SUMF1: variants seen among roughly 807,000 people sequenced by gnomAD.
The protein encoded by SUMF1 is sulfatase modifying factor 1.
SUMF1 carries 48 observed loss-of-function variants against 47.6 expected under a neutral mutation model. That is an observed-to-expected ratio of 1.01 (90% CI 0.80 to 1.28). The LOEUF is 1.28. Ranked by LOEUF, SUMF1 falls within the 50% of genes most tolerant of loss-of-function variation. SUMF1 has a pLI of 0.00. For synonymous variants in SUMF1, 230 were observed against 192.1 expected (o/e 1.20, Z -1.63); for missense variants, 571 against 485.4 (o/e 1.18, Z -1.66).
chr3:4,411,003 C>T (rs182146515), intron 6 of SUMF1, 25 bp from the exon 7 acceptor site: 111 of 1,579,106 alleles, frequency 7.0e-5, no homozygotes, highest in Middle Eastern at 3.3e-4. Context: ...AGGAAAAATG[C>T]TGTCAAACTA....
intron 8 of SUMF1, among the ~76,000 whole-genome samples, chr3:4,122,295 A>T (rs370809748): frequency 6.6e-6 from 1 of 152,208 alleles, no homozygotes; most frequent in Non-Finnish European, 1.5e-5. Flanking sequence ...GAAGCCATAT[A>T]CAAAGGTCAC....
At chr3:4,457,056 GTGTA>G (rs1398338940) in intron 1 of SUMF1, among the ~76,000 whole-genome samples, 12 of 99,510 alleles carry the variant, frequency 1.2e-4, no homozygotes, top group Non-Finnish European at 2.3e-4. Flanking sequence ...ATATACGTGT[GTGTA>G]TATATATATA....
chr3:4,124,149 C>T (rs1158233395), intron 8 of SUMF1, among the ~76,000 whole-genome samples: 2 of 152,098 alleles, frequency 1.3e-5, no homozygotes, highest in African/African-American at 4.8e-5. Flanking sequence ...ATAAAAATCT[C>T]ATTTATAAGC....
At chr3:4,043,117 G>C (rs1694940378) in intron 9 of SUMF1, among the ~76,000 whole-genome samples, 1 of 152,048 alleles carries the variant, frequency 6.6e-6, no homozygotes, top group Admixed American at 6.5e-5. Context: ...ACAATGACTG[G>C]ATCCCTCTAC....
intron 3 of SUMF1, among the ~76,000 whole-genome samples, chr3:4,426,600 G>A (rs182102061): frequency 6.6e-6 from 1 of 152,246 alleles, no homozygotes; most frequent in East Asian, 1.9e-4. Context: ...CATATATTAG[G>A]CATTTCATCA....
At chr3:4,068,358 C>A (rs1574854569) in intron 9 of SUMF1, among the ~76,000 whole-genome samples, 1 of 152,134 alleles carries the variant, frequency 6.6e-6, no homozygotes, top group East Asian at 1.9e-4. Flanking sequence ...TAATGTGAGC[C>A]ACATTATCAA....
chr3:4,320,004 G>A (rs1359478761), intron 8 of SUMF1, among the ~76,000 whole-genome samples: 1 of 152,142 alleles, frequency 6.6e-6, no homozygotes, highest in Non-Finnish European at 1.5e-5. Flanking sequence ...AGGAGAGGGA[G>A]GAATGAATAG....
At chr3:4,435,458 G>A (rs1010477858) in intron 3 of SUMF1, among the ~76,000 whole-genome samples, 2 of 152,086 alleles carry the variant, frequency 1.3e-5, no homozygotes, top group Non-Finnish European at 2.9e-5. Context: ...CCCAAAAAGA[G>A]AGGAGAGATT....
At chr3:4,140,436 TCTA>T (rs1415497479) in intron 8 of SUMF1, among the ~76,000 whole-genome samples, 2 of 152,080 alleles carry the variant, frequency 1.3e-5, no homozygotes, top group Non-Finnish European at 2.9e-5. Context: ...CACCTAGAAC[TCTA>T]CTATTTGTCT....
chr3:4,203,407 G>A (rs1013808694), intron 8 of SUMF1, among the ~76,000 whole-genome samples: 1 of 151,722 alleles, frequency 6.6e-6, no homozygotes, highest in Admixed American at 6.6e-5. Context: ...AGCTACTCCT[G>A]CTCTTTCTTG....
intron 8 of SUMF1, among the ~76,000 whole-genome samples, chr3:4,257,105 G>A (rs1293975543): frequency 5.1e-5 from 5 of 97,178 alleles, no homozygotes; most frequent in Admixed American, 2.2e-4. Flanking sequence ...TTGATGGGAC[G>A]TATCTCAAAA....
intron 8 of SUMF1, among the ~76,000 whole-genome samples, chr3:4,270,530 C>T (rs1346638099): frequency 6.6e-6 from 1 of 152,006 alleles, no homozygotes; most frequent in Non-Finnish European, 1.5e-5. Flanking sequence ...AATTACAACT[C>T]CTAATTCTTA....
intron 8 of SUMF1, among the ~76,000 whole-genome samples, chr3:4,225,494 A>T (rs1391428534): frequency 1.3e-5 from 2 of 152,158 alleles, no homozygotes; most frequent in African/African-American, 4.8e-5. Flanking sequence ...CATGCACCAC[A>T]ACACAAACTT....
intron 8 of SUMF1, among the ~76,000 whole-genome samples, chr3:4,118,416 G>GA (rs986345042): frequency 2.6e-5 from 4 of 151,794 alleles, no homozygotes; most frequent in African/African-American, 7.3e-5. Context: ...AAATAAAAGA[G>GA]AAAAAAATAA....
At chr3:4,255,024 A>C (rs1381402941) in intron 8 of SUMF1, among the ~76,000 whole-genome samples, 1 of 151,424 alleles carries the variant, frequency 6.6e-6, no homozygotes, top group Non-Finnish European at 1.5e-5. Context: ...AAGCTTCATA[A>C]GTGAAGGAGA....
At position 4,246,993 on chromosome 3, in the gene SUMF1, T is replaced by C. The variant is rs184646040; in HGVS notation, c.1014+129337A>G. ...TGCCTAGAAACTACGCAGCTTTAAGTATATATCCTGTACAACTGGTTTCAA... is the reference window on the plus strand; with the variant it reads ...TGCCTAGAAACTACGCAGCTTTAAGCATATATCCTGTACAACTGGTTTCAA... On this transcript the variant is annotated intron_variant and NMD_transcript_variant, in intron 8 of 12. Coordinates refer to the SUMF1 transcript ENST00000448413. Among the ~76,000 whole-genome samples the C allele has an allele frequency of 1.8e-4, 27 of 152,346 alleles. No individual in the cohort carries two copies. In the East Asian group the frequency reaches 2.7e-3, roughly 15 times the overall value.
At chr3:4,072,996 T>C (rs1313356096) in intron 8 of SUMF1, among the ~76,000 whole-genome samples, 1 of 152,102 alleles carries the variant, frequency 6.6e-6, no homozygotes, top group Non-Finnish European at 1.5e-5. Flanking sequence ...ACCACAAAGA[T>C]ATTCCTCGAG....
At chr3:4,215,047 T>A (rs1349518399) in intron 8 of SUMF1, among the ~76,000 whole-genome samples, 1 of 152,206 alleles carries the variant, frequency 6.6e-6, no homozygotes, top group African/African-American at 2.4e-5. Flanking sequence ...ACTCATTTTA[T>A]GAGGCCAACA....
At chr3:4,303,692 T>C in intron 8 of SUMF1, 1 of 1,499,740 alleles carries the variant, frequency 6.7e-7, no homozygotes, top group East Asian at 2.7e-5. Flanking sequence ...CTGGGCCTTT[T>C]TCTGTTGACC....
Sources: gnomAD v4.1 joint callset for allele counts (sites outside exome capture counted in the v4.1 genomes callset) on GRCh38, gnomAD v4.1.1 for gene constraint, MANE v1.5 for transcripts, NCBI Gene and HGNC (gene_info 2026-07-23, HGNC 2026-07-21) for gene names.